The following CTNNA2 variants were observed in gnomAD, a reference collection of about 807,000 sequenced individuals.
CTNNA2 encodes the protein catenin alpha-2.
CTNNA2 carries 42 observed loss-of-function variants against 101.0 expected under a neutral mutation model. The observed-to-expected ratio is 0.42, with a 90% confidence interval of 0.32 to 0.54. The LOEUF (loss-of-function observed/expected upper bound fraction) is 0.54, where lower values mean the gene tolerates loss of function less well. Among genes scored for constraint, CTNNA2 ranks in the 20% least tolerant of loss-of-function variants. The probability of loss-of-function intolerance (pLI) is 0.14; values close to 1 mark genes in which losing one functional copy is unlikely to be tolerated. For missense variants in CTNNA2, 871 were observed against 1,223.1 expected (o/e 0.71, Z 4.29); for synonymous variants, 450 against 456.4 (o/e 0.99, Z 0.18).
At chr2:79,325,944 C>T (rs1037613250) in intron 3 of CTNNA2, among the ~76,000 whole-genome samples, 1 of 152,106 alleles carries the variant, frequency 6.6e-6, no homozygotes, top group African/African-American at 2.4e-5. Flanking sequence ...GAGACCAGTA[C>T]CTAACTTTGT....
chr2:79,190,604 A>G (rs1455682670), intron 1 of CTNNA2, among the ~76,000 whole-genome samples: 1 of 152,130 alleles, frequency 6.6e-6, no homozygotes, highest in Non-Finnish European at 1.5e-5. Context: ...TTCTAAGTCT[A>G]CTTTTTGGCT....
intron 13 of CTNNA2, among the ~76,000 whole-genome samples, chr2:80,581,496 TAAATA>T (rs1429078611): frequency 6.6e-6 from 1 of 152,122 alleles, no homozygotes; most frequent in African/African-American, 2.4e-5. Context: ...GAGGAAATAA[TAAATA>T]AAATATATTT....
At chr2:79,406,797 G>A (rs1678346374) in intron 4 of CTNNA2, among the ~76,000 whole-genome samples, 1 of 151,848 alleles carries the variant, frequency 6.6e-6, no homozygotes, top group Admixed American at 6.6e-5. Flanking sequence ...TCAAGCAGAG[G>A]AAACACAGCC....
chr2:79,340,413 G>A (rs762427244), intron 3 of CTNNA2, among the ~76,000 whole-genome samples: 3 of 152,148 alleles, frequency 2.0e-5, no homozygotes, highest in Non-Finnish European at 2.9e-5. Flanking sequence ...CAGTTGGCAG[G>A]TGCAGTAAAC....
At chr2:79,361,578 A>G (rs905516625) in intron 3 of CTNNA2, among the ~76,000 whole-genome samples, 1 of 152,172 alleles carries the variant, frequency 6.6e-6, no homozygotes, top group African/African-American at 2.4e-5. Flanking sequence ...GTTCATATTC[A>G]ATATCCCTAG....
rs533924960 is a variant in CTNNA2 at position 80,440,515 on chromosome 2, G to A, written c.1290+20914G>A. On this transcript the variant is annotated intron_variant, in intron 9 of 18. Coordinates refer to ENST00000402739, the MANE Select transcript of CTNNA2 (RefSeq NM_001282597.3). ...TCTAAGATGCCCATCTGCATATTTG[G>A]GCATAGGACTGCTCACACATTGAGA... Among the ~76,000 whole-genome samples, 5 of 152,256 alleles carry A rather than the reference G, an allele frequency of 3.3e-5. No homozygotes were observed. The East Asian group carries it at 9.7e-4, about 29-fold the overall frequency.
chr2:80,564,418 T>C, intron 12 of CTNNA2, among the ~76,000 whole-genome samples: 1 of 152,160 alleles, frequency 6.6e-6, no homozygotes, highest in East Asian at 1.9e-4. Flanking sequence ...AAGCATTTTC[T>C]TTCCTCAGGA....
chr2:80,387,333 A>T (rs1384253600), intron 7 of CTNNA2, among the ~76,000 whole-genome samples: 2 of 152,092 alleles, frequency 1.3e-5, no homozygotes, highest in African/African-American at 2.4e-5. Context: ...TAAATTAATA[A>T]TTTTTATTGC....
At chr2:80,323,076 T>C (rs1573715786) in intron 7 of CTNNA2, among the ~76,000 whole-genome samples, 1 of 152,280 alleles carries the variant, frequency 6.6e-6, no homozygotes, top group East Asian at 1.9e-4. Flanking sequence ...AGGTGCCCTG[T>C]CTCTGAGGAG....
At chr2:79,406,155 T>G (rs565640395) in intron 4 of CTNNA2, among the ~76,000 whole-genome samples, 1 of 152,176 alleles carries the variant, frequency 6.6e-6, no homozygotes, top group South Asian at 2.1e-4. Context: ...TCATTGATAC[T>G]TTACAGAGTC....
chr2:80,601,090 C>A (rs897166617), intron 15 of CTNNA2, among the ~76,000 whole-genome samples: 3 of 152,084 alleles, frequency 2.0e-5, no homozygotes, highest in Non-Finnish European at 4.4e-5. Context: ...ATTTCAAGCT[C>A]CCAACATTTC....
At chr2:80,409,559 C>G (rs1407305138) in intron 8 of CTNNA2, among the ~76,000 whole-genome samples, 1 of 151,940 alleles carries the variant, frequency 6.6e-6, no homozygotes, top group Non-Finnish European at 1.5e-5. Flanking sequence ...GTATCCCTGG[C>G]CAAAAACAGT....
chr2:80,227,316 T>C (rs1347595435), intron 7 of CTNNA2, among the ~76,000 whole-genome samples: 1 of 152,224 alleles, frequency 6.6e-6, no homozygotes, highest in Non-Finnish European at 1.5e-5. Flanking sequence ...TGCTGAATGA[T>C]AAGTTTACAA....
chr2:79,216,761 G>A (rs117338423), intron 2 of CTNNA2, among the ~76,000 whole-genome samples: 2,559 of 148,854 alleles, frequency 0.017, 117 homozygotes, highest in East Asian at 0.15. Flanking sequence ...AGAAGGGGTT[G>A]GGGGGTTCTT....
intron 4 of CTNNA2, among the ~76,000 whole-genome samples, chr2:79,418,122 A>G (rs1013857726): frequency 2.6e-5 from 4 of 152,096 alleles, no homozygotes; most frequent in South Asian, 2.1e-4. Flanking sequence ...GCATGGGTCC[A>G]TGGGAGCGGT....
chr2:79,328,355 T>C (rs527493293), intron 3 of CTNNA2, among the ~76,000 whole-genome samples: 1 of 152,218 alleles, frequency 6.6e-6, no homozygotes, highest in South Asian at 2.1e-4. Flanking sequence ...GTTTGTAAGC[T>C]AGAGAAGAAA....
At chr2:79,988,469 TG>T (rs1691928016) in intron 7 of CTNNA2, among the ~76,000 whole-genome samples, 664 of 29,872 alleles carry the variant, frequency 0.022, 4 homozygotes, top group Non-Finnish European at 0.049. Flanking sequence ...TATGTGTATG[TG>T]TGTGTGTGTG....
At chr2:80,355,751 C>A (rs1159070969) in intron 7 of CTNNA2, among the ~76,000 whole-genome samples, 1 of 152,036 alleles carries the variant, frequency 6.6e-6, no homozygotes, top group Admixed American at 6.6e-5. Flanking sequence ...ACAACTTTTT[C>A]TTTCTTTCTT....
intron 9 of CTNNA2, among the ~76,000 whole-genome samples, chr2:80,499,476 T>C (rs568145150): frequency 6.6e-6 from 1 of 152,276 alleles, no homozygotes; most frequent in East Asian, 1.9e-4. Context: ...GGTTGCTTTA[T>C]AGTGTCATTG....
Sources: gnomAD v4.1 joint callset for allele counts (sites outside exome capture counted in the v4.1 genomes callset) on GRCh38, gnomAD v4.1.1 for gene constraint, MANE v1.5 for transcripts, NCBI Gene and HGNC (gene_info 2026-07-23, HGNC 2026-07-21) for gene names.